JAM2: variants seen among roughly 807,000 people sequenced by gnomAD.
The protein encoded by JAM2 is junctional adhesion molecule 2.
Under a neutral mutation model 42.0 loss-of-function variants are expected in JAM2, and 17 were observed. The ratio of observed to expected loss-of-function variants is 0.40; its 90% CI spans 0.28 to 0.61. JAM2 has a LOEUF of 0.61. JAM2 is among the 20% of genes least tolerant of loss of function. The pLI is 0.37. For synonymous variants in JAM2, 118 were observed against 128.6 expected, an observed-to-expected ratio of 0.92 and a Z score of 0.56; for missense variants, 319 against 358.3, an observed-to-expected ratio of 0.89 and a Z score of 0.89.
intron 1 of JAM2, among the ~76,000 whole-genome samples, chr21:25,664,884 A>G (rs888357123): frequency 1.3e-5 from 2 of 152,226 alleles, no homozygotes; most frequent in Non-Finnish European, 2.9e-5. Context: ...TCACCATGGA[A>G]TCTGTATCCC....
At chr21:25,659,222 G>C (rs1430577727) in intron 1 of JAM2, among the ~76,000 whole-genome samples, 1 of 148,014 alleles carries the variant, frequency 6.8e-6, no homozygotes. Flanking sequence ...CATTTAAAAT[G>C]AAAATAGAAA....
intron 1 of JAM2, among the ~76,000 whole-genome samples, chr21:25,663,779 G>A: frequency 6.6e-6 from 1 of 152,050 alleles, no homozygotes; most frequent in South Asian, 2.1e-4. Flanking sequence ...ATAACTGTAA[G>A]AAATAAATTC....
chr21:25,701,459 TTC>T (rs1470040272), intron 5 of JAM2, among the ~76,000 whole-genome samples: 1 of 151,828 alleles, frequency 6.6e-6, no homozygotes, highest in South Asian at 2.1e-4. Flanking sequence ...CTTCTTTCTT[TTC>T]TCCTCTTCTT....
At chr21:25,705,726 G>T (rs972918827) in intron 6 of JAM2, among the ~76,000 whole-genome samples, 5 of 152,288 alleles carry the variant, frequency 3.3e-5, no homozygotes, top group South Asian at 2.1e-4. Flanking sequence ...GAATGCAAAA[G>T]AATACATTTT....
chr21:25,707,299 T>C (rs913776861), intron 7 of JAM2, among the ~76,000 whole-genome samples: 3 of 151,838 alleles, frequency 2.0e-5, no homozygotes, highest in African/African-American at 7.3e-5. Context: ...CTGGCCAACA[T>C]GGTGAAACCC....
chr21:25,648,450 TTGTGTGTG>T (rs61479815), intron 1 of JAM2, among the ~76,000 whole-genome samples: 1 of 148,384 alleles, frequency 6.7e-6, no homozygotes, highest in Non-Finnish European at 1.5e-5. Context: ...TGCCGTGTGT[TTGTGTGTG>T]TGTGTGTGTG....
chr21:25,660,783 T>TATATA (rs59547156), intron 1 of JAM2, among the ~76,000 whole-genome samples: 1 of 36,374 alleles, frequency 2.7e-5, no homozygotes, highest in East Asian at 1.2e-3. Flanking sequence ...TATATATATA[T>TATATA]TTTTTTTTTT....
intron 3 of JAM2, 96 bp from the exon 4 acceptor site, chr21:25,693,660 A>G: frequency 6.1e-6 from 6 of 979,840 alleles, no homozygotes; most frequent in Middle Eastern, 2.5e-4. Context: ...AAAGGGAAAT[A>G]AATGCTTTGG....
chr21:25,646,724 C>T (rs1302133788), intron 1 of JAM2, among the ~76,000 whole-genome samples: 1 of 152,164 alleles, frequency 6.6e-6, no homozygotes, highest in African/African-American at 2.4e-5. Flanking sequence ...TTGAATTGTT[C>T]CTACATTTTA....
chr21:25,701,155 G>A (rs2034156346), intron 5 of JAM2, among the ~76,000 whole-genome samples: 2 of 152,146 alleles, frequency 1.3e-5, no homozygotes, highest in South Asian at 4.1e-4. Flanking sequence ...AGATCATTTT[G>A]GGTTTTAGTC....
intron 4 of JAM2, 69 bp downstream of exon 4, chr21:25,693,977 A>G: frequency 1.4e-6 from 2 of 1,477,822 alleles, no homozygotes; most frequent in Non-Finnish European, 9.3e-7. Context: ...GGGGGCAAGC[A>G]AGCACTGGTC....
At chr21:25,650,471 T>C (rs2032742453) in intron 1 of JAM2, among the ~76,000 whole-genome samples, 1 of 152,222 alleles carries the variant, frequency 6.6e-6, no homozygotes, top group South Asian at 2.1e-4. Flanking sequence ...TCCATTGTGC[T>C]ACTGCCACCC....
intron 1 of JAM2, among the ~76,000 whole-genome samples, chr21:25,646,824 C>G (rs773805743): frequency 6.6e-5 from 10 of 152,316 alleles, no homozygotes; most frequent in Middle Eastern, 3.4e-3. Flanking sequence ...AAGGAAGAAT[C>G]CTTGTAAACT....
Position 25,716,904 on chromosome 21 carries a change from G to C in JAM2, c.*2232G>C, listed in dbSNP as rs1475076031. 6.6e-6 allele frequency: 1 copy of C among 152,224 alleles called. No homozygotes were observed. The highest frequency in any genetic ancestry group is 1.5e-5 in the Non-Finnish European group (1 of 68,046). 9.4% of individuals were successfully genotyped at this position (152,224 alleles called of 1,614,324 possible). A position where few individuals can be genotyped will look rare whatever the true frequency, so the allele number is the denominator to read the frequency against. ...GCCAAGAGGATAGATGACTCTGAAA[G>C]ACGCCTCTTCAGACATACCTGTCAT... On this transcript the variant is annotated 3_prime_UTR_variant, in exon 10 of 10. Transcript: ENST00000480456.
chr21:25,683,975 G>T, intron 2 of JAM2, 27 bp downstream of exon 2: 1 of 1,443,638 alleles, frequency 6.9e-7, no homozygotes, highest in Non-Finnish European at 9.6e-7. Flanking sequence ...ATTTTCACAG[G>T]CTGTATTGTT....
At chr21:25,699,595 C>T (rs888494978) in intron 5 of JAM2, among the ~76,000 whole-genome samples, 25 of 151,710 alleles carry the variant, frequency 1.6e-4, no homozygotes, top group Non-Finnish European at 2.4e-4. Context: ...TGGTGGCGGG[C>T]GCCTGTAGTC....
At chr21:25,666,156 T>C (rs1047345402) in intron 1 of JAM2, among the ~76,000 whole-genome samples, 3 of 152,080 alleles carry the variant, frequency 2.0e-5, no homozygotes, top group African/African-American at 7.2e-5. Context: ...CAGGTAAAAT[T>C]AACTATCACA....
Position 25,651,061 on chromosome 21 carries a change from C to CAAA in JAM2, c.67+11193_67+11195dup, listed in dbSNP as rs35308745. Among the ~76,000 whole-genome samples the CAAA allele has an allele frequency of 5.8e-3, 415 of 70,982 alleles. 5 individuals are homozygous for CAAA. The highest frequency in any genetic ancestry group is 0.017 in the African/African-American group (326 of 19,060). 46.6% of individuals were successfully genotyped at this position (70,982 alleles called of 152,430 possible). A position where few individuals can be genotyped will look rare whatever the true frequency, so the allele number is the denominator to read the frequency against. On this transcript the variant is annotated intron_variant, in intron 1 of 9. Coordinates refer to ENST00000480456, the MANE Select transcript of JAM2 (RefSeq NM_021219.4). ...TAAATAAAACCATACCTCCCCCCGC[C>CAAA]AAAAAAAAAAAAAAAAAAAAAACAA...
intron 1 of JAM2, among the ~76,000 whole-genome samples, chr21:25,680,959 T>C (rs2033617837): frequency 6.6e-6 from 1 of 151,546 alleles, no homozygotes; most frequent in Admixed American, 6.6e-5. Flanking sequence ...CATAGAGAGG[T>C]CAGGTAAGAT....
Sources: gnomAD v4.1 joint callset for allele counts (sites outside exome capture counted in the v4.1 genomes callset) on GRCh38, gnomAD v4.1.1 for gene constraint, MANE v1.5 for transcripts, NCBI Gene and HGNC (gene_info 2026-07-23, HGNC 2026-07-21) for gene names.